The following MFSD12 variants were observed in gnomAD, a reference collection of about 807,000 sequenced individuals.
MFSD12 encodes the protein major facilitator superfamily domain-containing protein 12.
MFSD12 carries 67 observed loss-of-function variants against 51.2 expected under a neutral mutation model. That is an observed-to-expected ratio of 1.31 (90% CI 1.08 to 1.60). MFSD12 has a LOEUF of 1.60. MFSD12 is among the 40% of genes most tolerant of loss of function. The probability of loss-of-function intolerance (pLI) is 0.00; values close to 1 mark genes in which losing one functional copy is unlikely to be tolerated. For missense variants in MFSD12, 921 were observed against 673.0 expected (o/e 1.37, Z -4.08); for synonymous variants, 441 against 316.7 (o/e 1.39, Z -4.17).
chr19:3,542,437 C>A (rs185820143), downstream of MFSD12: 1 of 985,250 alleles, frequency 1.0e-6, no homozygotes, highest in Non-Finnish European at 1.2e-6. Context: ...GGACATATTC[C>A]CAAGAGCAAG....
intron 1 of MFSD12, among the ~76,000 whole-genome samples, chr19:3,553,651 T>C (rs1389731538): frequency 1.5e-5 from 2 of 134,252 alleles, no homozygotes; most frequent in African/African-American, 5.9e-5. Context: ...GCGCCTGTAG[T>C]CCCAGCTACT....
Position 3,547,446 on chromosome 19 carries a change from T to C in MFSD12, c.930+9A>G, listed in dbSNP as rs775112364. On this transcript the variant is annotated intron_variant, in intron 5 of 9. Transcript: ENST00000355415. Reference sequence around the variant, plus strand: ...TCCCATCCCAGCGTCCCCGCCCCAATCTGCTCACCTTGGGCAGGTGGAGCG... The same window carrying C: ...TCCCATCCCAGCGTCCCCGCCCCAACCTGCTCACCTTGGGCAGGTGGAGCG... 1 of 1,612,532 alleles carries C rather than the reference T, an allele frequency of 6.2e-7. No homozygotes were observed. The highest frequency in any genetic ancestry group is 8.5e-7 in the Non-Finnish European group (1 of 1,179,672).
rs1338232089 is a variant in MFSD12, at chr19:3,544,740, G to A, written c.1421-8C>T. 1 of 1,605,232 alleles carries A rather than the reference G, an allele frequency of 6.2e-7. No individual in the cohort carries two copies. Among genetic ancestry groups the A allele is most frequent in the Non-Finnish European group, 8.5e-7 (1 of 1,174,632 alleles). The stretch of plus-strand genomic sequence containing the variant: ...GCCGGGCATCACGGTCCCCTGCAAG[G>A]GAGGGGTGGAAATGGCATTAGAGAG... On this transcript the variant is annotated splice_region_variant and splice_polypyrimidine_tract_variant and intron_variant, in intron 9 of 9. Transcript: ENST00000355415.
At chr19:3,542,045 G>C (rs763147030), downstream of MFSD12, 12 of 730,948 alleles carry the variant, frequency 1.6e-5, no homozygotes, top group South Asian at 6.1e-5. Flanking sequence ...CCTGACCTCA[G>C]GTGATCTACC....
chr19:3,542,233 C>G (rs1174637449), downstream of MFSD12: 2 of 985,272 alleles, frequency 2.0e-6, no homozygotes, highest in Non-Finnish European at 1.2e-6. Flanking sequence ...TATGTGGGGT[C>G]CCTCAAACAG....
chr19:3,544,614 G>A lies in MFSD12; in HGVS notation c.*96C>T. 5.4e-6 allele frequency: 8 copies of A among 1,492,270 alleles called. No homozygotes were observed. The highest frequency in any genetic ancestry group is 7.2e-6 in the Non-Finnish European group (8 of 1,117,150). The allele number at this position is 1,492,270 out of a possible 1,614,324, so 92.4% of individuals were successfully genotyped here. A position where few individuals can be genotyped will look rare whatever the true frequency, so the allele number is the denominator to read the frequency against. On this transcript the variant is annotated 3_prime_UTR_variant, in exon 10 of 10. Coordinates refer to ENST00000355415, the MANE Select transcript of MFSD12 (RefSeq NM_174983.5). The stretch of plus-strand genomic sequence containing the variant: ...GGATGGAGGGTGGGGGTCCAGAGAA[G>A]AGTGAGGGGCAGTGGGGGCTTTTCC...
In MFSD12 at chr19:3,557,405, G is replaced by A. The variant is rs1174924306; in HGVS notation, c.-2C>T. On this transcript the variant is annotated 5_prime_UTR_variant, in exon 1 of 10. Transcript: ENST00000355415. ...GGCCGCTGGGGGTCCCGGGCCCATC[G>A]CGGCGCCGGGCCCGCGCCCCCCACC... 8.1e-7 allele frequency: 1 copy of A among 1,236,206 alleles called. No individual in the cohort carries two copies. The highest frequency in any genetic ancestry group is 1.0e-6 in the Non-Finnish European group (1 of 986,384). The allele number at this position is 1,236,206 out of a possible 1,614,324, so 76.6% of individuals were successfully genotyped here.
At chr19:3,538,709 G>T (rs573869538) in exon 5 of MFSD12, 2 of 474,724 alleles carry the variant, frequency 4.2e-6, no homozygotes, top group South Asian at 3.1e-5. Flanking sequence ...CTCCGCCTCG[G>T]GCTGTCACAA....
intron 2 of MFSD12, among the ~76,000 whole-genome samples, chr19:3,549,466 G>A (rs1400813762): frequency 6.6e-6 from 1 of 152,228 alleles, no homozygotes; most frequent in African/African-American, 2.4e-5. Context: ...GCTCACGCCT[G>A]TAATCTCAGC....
At chr19:3,540,782 G>C (rs531927333), downstream of MFSD12, among the ~76,000 whole-genome samples, 2 of 151,266 alleles carry the variant, frequency 1.3e-5, no homozygotes, top group South Asian at 4.2e-4. Context: ...GGGAGGCTGA[G>C]GCAGGAGAAT....
At chr19:3,548,337 C>A (rs528526320) in intron 2 of MFSD12, 70 bp from the exon 3 acceptor site, 8 of 1,527,450 alleles carry the variant, frequency 5.2e-6, no homozygotes, top group Non-Finnish European at 2.6e-6. Context: ...CACGTGGCTA[C>A]GCCGTCAGAG....
At chr19:3,543,133 G>A (rs111514600), downstream of MFSD12, 179 of 1,511,726 alleles carry the variant, frequency 1.2e-4, 2 homozygotes, top group African/African-American at 1.6e-3. Context: ...ACCCCACGCC[G>A]TGGGCCAGGC....
chr19:3,548,722 C>G (rs1163555755), intron 2 of MFSD12, among the ~76,000 whole-genome samples: 1 of 152,222 alleles, frequency 6.6e-6, no homozygotes, highest in African/African-American at 2.4e-5. Context: ...GAATCAGTCT[C>G]TCTTTCTGAA....
intron 8 of MFSD12, 96 bp from the exon 9 acceptor site, chr19:3,545,035 C>A: frequency 1.4e-6 from 2 of 1,451,056 alleles, no homozygotes; most frequent in South Asian, 1.3e-5. Context: ...GACAGCGGCT[C>A]CGTCCTGTCC....
Position 3,545,281 on chromosome 19 carries a change from G to A in MFSD12, c.1290-342C>T, listed in dbSNP as rs756551170. Among the ~76,000 whole-genome samples the A allele has an allele frequency of 1.6e-4, 24 of 152,182 alleles. 1 individual carries two copies. Among genetic ancestry groups the A allele is most frequent in the Non-Finnish European group, 1.5e-4 (10 of 68,036 alleles). On this transcript the variant is annotated intron_variant, in intron 8 of 9. Transcript: ENST00000355415. The stretch of plus-strand genomic sequence containing the variant: ...CAACCACCAGAGGGCGTCTGTGAGC[G>A]CCTGGGTCAGGGCCTGTCCCTCTTC...
Position 3,544,603 on chromosome 19 carries a change from G to A in MFSD12, c.*107C>T, listed in dbSNP as rs1008965416. ...GAGCTGGGTGAGGATGGAGGGTGGG[G>A]GTCCAGAGAAGAGTGAGGGGCAGTG... is the stretch of plus-strand genomic sequence containing the variant. On this transcript the variant is annotated 3_prime_UTR_variant, in exon 10 of 10. Transcript: ENST00000355415. The A allele has an allele frequency of 2.0e-6, 3 of 1,491,050 alleles. No individual in the cohort carries two copies. The highest frequency in any genetic ancestry group is 1.4e-5 in the African/African-American group (1 of 71,528). 92.4% of individuals were successfully genotyped at this position (1,491,050 alleles called of 1,614,324 possible).
At chr19:3,543,484 C>T (rs751755450), downstream of MFSD12, 33 of 1,513,400 alleles carry the variant, frequency 2.2e-5, no homozygotes, top group Non-Finnish European at 2.8e-5. Context: ...GTGAGTGCCC[C>T]CCCCCCCGCC....
In MFSD12 at chr19:3,544,388, A is replaced by C; in HGVS notation, c.*322T>G. 2 of 1,297,456 alleles carry C rather than the reference A, an allele frequency of 1.5e-6. No individual in the cohort carries two copies. Among genetic ancestry groups the C allele is most frequent in the Non-Finnish European group, 2.0e-6 (2 of 1,023,088 alleles). The allele number at this position is 1,297,456 out of a possible 1,614,324, so 80.4% of individuals were successfully genotyped here. On this transcript the variant is annotated 3_prime_UTR_variant, in exon 10 of 10. Coordinates refer to ENST00000355415, the MANE Select transcript of MFSD12 (RefSeq NM_174983.5). ...TGGAGGTGAGGGGTGAACTGGACTG[A>C]GCTCAGGGTTAGGGTTCCCCCAGAC...
downstream of MFSD12, chr19:3,543,477 A>C: frequency 4.9e-6 from 7 of 1,424,440 alleles, no homozygotes; most frequent in African/African-American, 1.8e-5. Flanking sequence ...CCATCGGGTG[A>C]GTGCCCCCCC....
Sources: gnomAD v4.1 joint callset for allele counts (sites outside exome capture counted in the v4.1 genomes callset) on GRCh38, gnomAD v4.1.1 for gene constraint, MANE v1.5 for transcripts, NCBI Gene and HGNC (gene_info 2026-07-23, HGNC 2026-07-21) for gene names.